TNFSF13B: variants seen among roughly 807,000 people sequenced by gnomAD.
The protein encoded by TNFSF13B is TNF superfamily member 13b.
In TNFSF13B, 8 loss-of-function variants were observed where a neutral mutation model predicts 29.1. The observed-to-expected ratio is 0.27, with a 90% CI of 0.16 to 0.50. TNFSF13B has a LOEUF of 0.50. TNFSF13B is among the 20% of genes least tolerant of loss of function. The probability of loss-of-function intolerance (pLI) is 0.98; values close to 1 mark genes in which losing one functional copy is unlikely to be tolerated. For synonymous variants in TNFSF13B, 125 were observed against 130.8 expected (o/e 0.96, Z 0.30); for missense variants, 248 against 334.9 (o/e 0.74, Z 2.03).
chr13:108,303,749 A>C, intron 5 of TNFSF13B, 145 bp downstream of exon 5: 1 of 812,378 alleles, frequency 1.2e-6, no homozygotes, highest in Non-Finnish European at 1.9e-6. Flanking sequence ...GTGTTTTTTA[A>C]ATCTTGAATA....
rs1881816250 is a variant in TNFSF13B at position 108,307,595 on chromosome 13, A to G, written c.*657A>G. ...ATCTGTAATGTAATATATTACCCAC[A>G]CATTTTTTTCACAGGAGAGAGAGAA... On this transcript the variant is annotated 3_prime_UTR_variant, in exon 6 of 6. Transcript: ENST00000375887. The G allele has an allele frequency of 6.6e-6, 1 of 150,828 alleles. No homozygotes were observed. Among genetic ancestry groups the G allele is most frequent in the Non-Finnish European group, 1.5e-5 (1 of 67,882 alleles). 9.3% of individuals were successfully genotyped at this position (150,828 alleles called of 1,614,324 possible).
chr13:108,288,354 T>A (rs984368036), intron 3 of TNFSF13B, among the ~76,000 whole-genome samples: 2 of 152,174 alleles, frequency 1.3e-5, no homozygotes, highest in Non-Finnish European at 2.9e-5. Context: ...TGGCTTACAA[T>A]GGAGTTATGT....
intron 5 of TNFSF13B, 80 bp downstream of exon 5, chr13:108,303,684 T>A: frequency 2.8e-6 from 4 of 1,443,926 alleles, no homozygotes; most frequent in Non-Finnish European, 3.7e-6. Context: ...AATGCAAAAA[T>A]GAAAGGATGG....
chr13:108,275,675 G>C (rs1880743305), intron 2 of TNFSF13B, among the ~76,000 whole-genome samples: 1 of 152,016 alleles, frequency 6.6e-6, no homozygotes, highest in East Asian at 1.9e-4. Flanking sequence ...GATTGTTTAA[G>C]AATTACACAC....
chr13:108,292,971 T>C (rs1881363947), intron 3 of TNFSF13B, among the ~76,000 whole-genome samples: 2 of 152,194 alleles, frequency 1.3e-5, no homozygotes, highest in Admixed American at 1.3e-4. Context: ...CTTGTGATTT[T>C]AGTGTTATCA....
rs1310020149 is a variant in TNFSF13B at position 108,303,579 on chromosome 13, A to G, written c.720A>G (p.Leu240=). 1 of 1,613,304 alleles carries G rather than the reference A, an allele frequency of 6.2e-7. No homozygotes were observed. The highest frequency in any genetic ancestry group is 8.5e-7 in the Non-Finnish European group (1 of 1,179,636). The change falls in exon 5 of 6, where the codon CTA becomes CTG. Residue 240 remains leucine, a synonymous_variant. Transcript: ENST00000375887. ...FRCIQNMPET[L]PNNSCYSAGI... ...GTATTCAAAATATGCCTGAAACACT[A>G]CCCAATAATTCCTGCTATTCAGCTG...
chr13:108,306,159 A>G (rs1881770366), intron 5 of TNFSF13B, among the ~76,000 whole-genome samples: 1 of 152,092 alleles, frequency 6.6e-6, no homozygotes. Context: ...TTAGTTGCAC[A>G]CAGATTTATT....
Position 108,307,245 on chromosome 13 carries a change from T to C in TNFSF13B, c.*307T>C. ...AACAATTGAGTCATAGCTTCTTATCTTGGAGGAAGGACACAATTCAAAGGG... is the reference window on the plus strand; with the variant it reads ...AACAATTGAGTCATAGCTTCTTATCCTGGAGGAAGGACACAATTCAAAGGG... On this transcript the variant is annotated 3_prime_UTR_variant, in exon 6 of 6. Coordinates refer to ENST00000375887, the MANE Select transcript of TNFSF13B (RefSeq NM_006573.5). 1 of 219,698 alleles carries C rather than the reference T, an allele frequency of 4.6e-6. No homozygotes were observed. Among genetic ancestry groups the C allele is most frequent in the Non-Finnish European group, 8.9e-6 (1 of 112,716 alleles). The allele number at this position is 219,698 out of a possible 1,614,324, so 13.6% of individuals were successfully genotyped here. A position where few individuals can be genotyped will look rare whatever the true frequency, so the allele number is the denominator to read the frequency against.
intron 5 of TNFSF13B, among the ~76,000 whole-genome samples, chr13:108,305,474 T>A (rs931018462): frequency 6.6e-6 from 1 of 152,146 alleles, no homozygotes; most frequent in Non-Finnish European, 1.5e-5. Flanking sequence ...TCTATAGTTG[T>A]TCACACCCAC....
chr13:108,290,445 A>G (rs1386582533), intron 3 of TNFSF13B, among the ~76,000 whole-genome samples: 1 of 152,188 alleles, frequency 6.6e-6, no homozygotes, highest in Non-Finnish European at 1.5e-5. Context: ...GTAAAGTGTT[A>G]TGCTATCACT....
chr13:108,302,401 G>A (rs1412324012), intron 3 of TNFSF13B, among the ~76,000 whole-genome samples: 1 of 151,736 alleles, frequency 6.6e-6, no homozygotes, highest in African/African-American at 2.4e-5. Flanking sequence ...CCAGCCTTAG[G>A]GCTCACCCTT....
chr13:108,299,066 A>G (rs377380378), intron 3 of TNFSF13B, among the ~76,000 whole-genome samples: 2 of 146,450 alleles, frequency 1.4e-5, no homozygotes, highest in African/African-American at 5.1e-5. Context: ...GAGTCTTCCT[A>G]TTCATAAACA....
rs1457602198 is a variant in TNFSF13B at position 108,307,470 on chromosome 13, A to T, written c.*532A>T. The T allele has an allele frequency of 6.6e-6, 1 of 152,134 alleles. No individual in the cohort carries two copies. Among genetic ancestry groups the T allele is most frequent in the Non-Finnish European group, 1.5e-5 (1 of 68,012 alleles). The allele number at this position is 152,134 out of a possible 1,614,324, so 9.4% of individuals were successfully genotyped here. A position where few individuals can be genotyped will look rare whatever the true frequency, so the allele number is the denominator to read the frequency against. ...AAATCTTGCATTAGACACATGAAAA[A>T]ATAACTAAAAGTTTAAATTTAAATA... On this transcript the variant is annotated 3_prime_UTR_variant, in exon 6 of 6. Coordinates refer to ENST00000375887, the MANE Select transcript of TNFSF13B (RefSeq NM_006573.5).
intron 2 of TNFSF13B, among the ~76,000 whole-genome samples, chr13:108,275,523 A>G (rs1344471245): frequency 2.0e-5 from 3 of 152,150 alleles, no homozygotes; most frequent in African/African-American, 7.2e-5. Context: ...TAATAAAATA[A>G]TAGTAAAAAT....
rs77273581 is a variant in TNFSF13B at position 108,303,585 on chromosome 13, T to G, written c.726T>G (p.Asn242Lys). Residue 242 changes from asparagine to lysine, a missense_variant, in exon 5 of 6, where the codon AAT becomes AAG. This residue lies in a region of TNFSF13B where 62 missense variants were observed against 138.6 expected (regional missense o/e 0.45). Coordinates refer to ENST00000375887, the MANE Select transcript of TNFSF13B (RefSeq NM_006573.5). The part of the protein sequence containing the change: ...CIQNMPETLP[N>K]NSCYSAGIAK... The stretch of plus-strand genomic sequence containing the variant: ...AAAATATGCCTGAAACACTACCCAA[T>G]AATTCCTGCTATTCAGCTGGTAAAT... 8.1e-6 allele frequency: 13 copies of G among 1,612,874 alleles called. No homozygotes were observed. The highest frequency in any genetic ancestry group is 1.1e-5 in the Non-Finnish European group (13 of 1,179,564).
intron 2 of TNFSF13B, among the ~76,000 whole-genome samples, chr13:108,283,004 G>A (rs953432592): frequency 3.3e-5 from 5 of 152,040 alleles, no homozygotes; most frequent in Non-Finnish European, 5.9e-5. Flanking sequence ...ATTAAACTAC[G>A]CATTTTCAAA....
intron 3 of TNFSF13B, among the ~76,000 whole-genome samples, chr13:108,289,286 G>T (rs1473184219): frequency 6.6e-6 from 1 of 152,044 alleles, no homozygotes; most frequent in Non-Finnish European, 1.5e-5. Flanking sequence ...AGATCCAGGG[G>T]TGCTGAACTG....
At chr13:108,289,223 G>A (rs979880158) in intron 3 of TNFSF13B, among the ~76,000 whole-genome samples, 1 of 151,772 alleles carries the variant, frequency 6.6e-6, no homozygotes, top group East Asian at 1.9e-4. Flanking sequence ...TCCAATGTGC[G>A]TGTGAACTGG....
intron 3 of TNFSF13B, among the ~76,000 whole-genome samples, chr13:108,302,091 G>GA (rs1249548477): frequency 3.3e-5 from 5 of 152,022 alleles, no homozygotes; most frequent in South Asian, 2.1e-4. Context: ...AAACCCACAG[G>GA]AAAAAATATT....
Sources: allele counts gnomAD v4.1 joint callset (sites outside exome capture counted in the v4.1 genomes callset), GRCh38; gene constraint gnomAD v4.1.1; regional missense constraint gnomAD v4.1.1; transcripts MANE v1.5; gene names NCBI Gene and HGNC (gene_info 2026-07-23, HGNC 2026-07-21).